The following CRHBP variants were observed in gnomAD, a reference collection of about 807,000 sequenced individuals.
CRHBP encodes corticotropin-releasing hormone-binding protein.
In CRHBP, 19 loss-of-function variants were observed where a neutral mutation model predicts 34.9. The observed-to-expected ratio is 0.55, with a 90% CI of 0.38 to 0.80. The LOEUF (loss-of-function observed/expected upper bound fraction) is 0.80, where lower values mean the gene tolerates loss of function less well. CRHBP is among the 30% of genes least tolerant of loss of function. The probability of loss-of-function intolerance (pLI) is 0.00; values close to 1 mark genes in which losing one functional copy is unlikely to be tolerated. For synonymous variants in CRHBP, 154 were observed against 153.4 expected (o/e 1.00, Z -0.03); for missense variants, 328 against 409.2 (o/e 0.80, Z 1.71).
chr5:76,973,850 C>T (rs1369930606), downstream of CRHBP, among the ~76,000 whole-genome samples: 4 of 151,752 alleles, frequency 2.6e-5, no homozygotes, highest in Admixed American at 6.6e-5. Flanking sequence ...TGTCACTCAG[C>T]CTGGAGTGTA....
At position 76,953,114 on chromosome 5, in the gene CRHBP, A is replaced by C. The variant is rs1745595188; in HGVS notation, c.-21A>C. ...CAGGACCTCCGGAGCAGAGCACAGC[A>C]GCTGCAGAGGCAAGGCCAGCATGTC... On this transcript the variant is annotated 5_prime_UTR_variant, in exon 1 of 7. Coordinates refer to ENST00000274368, the MANE Select transcript of CRHBP (RefSeq NM_001882.4). The C allele has an allele frequency of 2.5e-6, 4 of 1,611,448 alleles. No individual in the cohort carries two copies. Among genetic ancestry groups the C allele is most frequent in the Non-Finnish European group, 3.4e-6 (4 of 1,177,592 alleles).
Position 76,969,019 on chromosome 5 carries a change from A to T in CRHBP, c.*134A>T. 1 of 869,502 alleles carries T rather than the reference A, an allele frequency of 1.2e-6. No homozygotes were observed. The highest frequency in any genetic ancestry group is 1.7e-6 in the Non-Finnish European group (1 of 577,230). 53.9% of individuals were successfully genotyped at this position (869,502 alleles called of 1,614,324 possible). ...CCCAGCCTTGAGCGCACGCGCGCAC[A>T]CACACACACACATACACACACGCAT... is the stretch of plus-strand genomic sequence containing the variant. On this transcript the variant is annotated 3_prime_UTR_variant, in exon 7 of 7. Transcript: ENST00000274368.
chr5:76,979,230 G>A (rs1360206175), intron 3 of CRHBP, among the ~76,000 whole-genome samples: 1 of 151,948 alleles, frequency 6.6e-6, no homozygotes, highest in African/African-American at 2.4e-5. Flanking sequence ...GGAGTGTAGT[G>A]TGCAATCACA....
chr5:76,960,398 G>C (rs1318489789), intron 5 of CRHBP, among the ~76,000 whole-genome samples: 7 of 152,158 alleles, frequency 4.6e-5, no homozygotes, highest in Admixed American at 4.6e-4. Context: ...GATGGGCAGG[G>C]CCAGAGTGTG....
Position 76,955,814 on chromosome 5 carries a change from A to G in CRHBP, c.495A>G (p.Glu165=). The change falls in exon 4 of 7, where the codon GAA becomes GAG. Residue 165 remains glutamate, a synonymous_variant. Coordinates refer to ENST00000274368, the MANE Select transcript of CRHBP (RefSeq NM_001882.4). The stretch of plus-strand genomic sequence containing the variant: ...CCATGATCTTCTTCCGAGTCCATGA[A>G]CCAGGAAATGGATTCACATTAACCA... The part of the protein sequence containing the change: ...NVAMIFFRVH[E]PGNGFTLTIK... 1 of 1,614,206 alleles carries G rather than the reference A, an allele frequency of 6.2e-7. No homozygotes were observed.
At chr5:76,965,911 T>C (rs1036080953) in intron 6 of CRHBP, among the ~76,000 whole-genome samples, 1 of 152,190 alleles carries the variant, frequency 6.6e-6, no homozygotes, top group Admixed American at 6.5e-5. Flanking sequence ...AGGAACAAAG[T>C]AGCCGAAGCA....
At chr5:76,966,030 T>A (rs1301465339) in intron 6 of CRHBP, among the ~76,000 whole-genome samples, 7 of 152,204 alleles carry the variant, frequency 4.6e-5, no homozygotes, top group Non-Finnish European at 2.9e-5. Context: ...TCCTTTCTTT[T>A]GTTTTGAGAT....
rs576887610 is a variant in CRHBP at position 76,961,328 on chromosome 5, T to C, written c.694-2015T>C. 5.3e-5 allele frequency among the ~76,000 whole-genome samples: 8 copies of C among 152,330 alleles called. No homozygotes were observed. In the South Asian group the frequency reaches 1.4e-3, roughly 28 times the overall value. On this transcript the variant is annotated intron_variant, in intron 5 of 6. Transcript: ENST00000274368. ...TTAGTTTCTATTTCTTCCTAGCTTC[T>C]TTATTTCCTACTTCTCTCTCCTGAG...
At chr5:76,967,230 A>G (rs1038528509) in intron 6 of CRHBP, among the ~76,000 whole-genome samples, 3 of 152,186 alleles carry the variant, frequency 2.0e-5, no homozygotes, top group African/African-American at 7.2e-5. Flanking sequence ...TGACAGAGCA[A>G]GATCCTGCCA....
At chr5:76,957,893 C>A (rs866084506) in intron 4 of CRHBP, among the ~76,000 whole-genome samples, 2 of 152,096 alleles carry the variant, frequency 1.3e-5, no homozygotes, top group Non-Finnish European at 2.9e-5. Flanking sequence ...GGCATGGGGG[C>A]TCACTCCTGT....
downstream of CRHBP, among the ~76,000 whole-genome samples, chr5:76,972,466 C>T (rs760689242): frequency 2.6e-5 from 4 of 152,006 alleles, no homozygotes; most frequent in Non-Finnish European, 4.4e-5. Context: ...TGCCATTGCA[C>T]TCCAGCCTGG....
intron 6 of CRHBP, 152 bp downstream of exon 6, chr5:76,963,612 T>C: frequency 1.6e-6 from 1 of 617,178 alleles, no homozygotes; most frequent in South Asian, 2.3e-5. Flanking sequence ...AGGCTATATA[T>C]AACATCAGTA....
chr5:76,953,462 G>A (rs910303765), intron 1 of CRHBP, 139 bp from the exon 2 acceptor site: 3 of 1,012,772 alleles, frequency 3.0e-6, no homozygotes, highest in Non-Finnish European at 4.6e-6. Context: ...AGACCTTCCC[G>A]TCTTCTCCGG....
At chr5:76,975,958 G>GTATA (rs146423246) in intron 2 of CRHBP, among the ~76,000 whole-genome samples, 27 of 138,050 alleles carry the variant, frequency 2.0e-4, no homozygotes, top group African/African-American at 6.8e-4. Flanking sequence ...ATATATGCGT[G>GTATA]TATATATATA....
intron 5 of CRHBP, among the ~76,000 whole-genome samples, chr5:76,962,365 G>A (rs1745791391): frequency 6.6e-6 from 1 of 152,144 alleles, no homozygotes; most frequent in Non-Finnish European, 1.5e-5. Context: ...TGCACAGGTG[G>A]CATACTTGTG....
chr5:76,967,510 G>A (rs1251748336), intron 6 of CRHBP, among the ~76,000 whole-genome samples: 1 of 152,122 alleles, frequency 6.6e-6, no homozygotes, highest in Non-Finnish European at 1.5e-5. Context: ...AAGAAAGATT[G>A]AGAAAACTAA....
intron 6 of CRHBP, among the ~76,000 whole-genome samples, chr5:76,967,441 G>A (rs190191291): frequency 1.3e-5 from 2 of 152,096 alleles, no homozygotes; most frequent in African/African-American, 4.8e-5. Flanking sequence ...CCCATTACAC[G>A]AGGACAATGA....
intron 5 of CRHBP, chr5:76,959,105 A>ACT: frequency 2.1e-6 from 1 of 473,340 alleles, no homozygotes; most frequent in Non-Finnish European, 3.7e-6. Context: ...GCCCCTTCTG[A>ACT]CTACTTGAAT....
intron 6 of CRHBP, 43 bp downstream of exon 6, chr5:76,963,503 T>A: frequency 1.4e-6 from 2 of 1,431,208 alleles, no homozygotes; most frequent in South Asian, 1.3e-5. Flanking sequence ...CTATCAAGAT[T>A]AAAAAAAAAT....
Sources: gnomAD v4.1 joint callset for allele counts (sites outside exome capture counted in the v4.1 genomes callset) on GRCh38, gnomAD v4.1.1 for gene constraint, MANE v1.5 for transcripts, NCBI Gene and HGNC (gene_info 2026-07-23, HGNC 2026-07-21) for gene names.